UTS2: variants seen among roughly 807,000 people sequenced by gnomAD.
UTS2 encodes the protein urotensin-2.
Under a neutral mutation model 12.6 loss-of-function variants are expected in UTS2, and 10 were observed. The ratio of observed to expected loss-of-function variants is 0.80; its 90% CI spans 0.49 to 1.35. The LOEUF is 1.35. Ranked by LOEUF, UTS2 falls within the 40% of genes most tolerant of loss-of-function variation. The pLI, the probability that UTS2 is intolerant of heterozygous loss-of-function variation, is 0.00. For synonymous variants in UTS2, 52 were observed against 50.0 expected (o/e 1.04, Z -0.17); for missense variants, 142 against 143.2 (o/e 0.99, Z 0.04).
At chr1:7,890,967 A>C in the UTS2 span, among the ~76,000 whole-genome samples, 2,073 of 134,972 alleles carry the variant, frequency 0.015, 26 homozygotes, top group Non-Finnish European at 0.022. Context: ...GATACCCTCC[A>C]CCCCCCCCCA....
At chr1:7,892,473 T>TG in the UTS2 span, among the ~76,000 whole-genome samples, 2 of 116,790 alleles carry the variant, frequency 1.7e-5, no homozygotes, top group Non-Finnish European at 3.3e-5. Flanking sequence ...ATGCATGTTT[T>TG]TTTTTTTTTT....
At chr1:7,858,874 C>A in the UTS2 span, among the ~76,000 whole-genome samples, 1 of 152,122 alleles carries the variant, frequency 6.6e-6, no homozygotes, top group African/African-American at 2.4e-5. Flanking sequence ...TGAGCCACCA[C>A]GCCCAGCTGG....
the UTS2 span, among the ~76,000 whole-genome samples, chr1:7,899,191 C>G: frequency 1.3e-5 from 2 of 152,104 alleles, no homozygotes; most frequent in African/African-American, 4.8e-5. Flanking sequence ...CCCACCAGGC[C>G]TCATCTCCAA....
the UTS2 span, among the ~76,000 whole-genome samples, chr1:7,904,841 T>A: frequency 7.2e-6 from 1 of 139,006 alleles, no homozygotes; most frequent in Non-Finnish European, 1.5e-5. Context: ...GAGGCAGAGG[T>A]TAGAGTAAGC....
chr1:7,878,752 C>T, the UTS2 span, among the ~76,000 whole-genome samples: 1 of 151,916 alleles, frequency 6.6e-6, no homozygotes, highest in Non-Finnish European at 1.5e-5. Context: ...AAAAAATGAT[C>T]CAACTGCATG....
At chr1:7,899,930 A>T in the UTS2 span, among the ~76,000 whole-genome samples, 1 of 152,170 alleles carries the variant, frequency 6.6e-6, no homozygotes. Flanking sequence ...GACTGTCAAC[A>T]TGTAGGCCTC....
At chr1:7,869,985 G>A in the UTS2 span, among the ~76,000 whole-genome samples, 1 of 152,232 alleles carries the variant, frequency 6.6e-6, no homozygotes, top group South Asian at 2.1e-4. Context: ...GCTGAGCTCC[G>A]TGTGATGGTT....
chr1:7,901,628 GTGTA>G, the UTS2 span, among the ~76,000 whole-genome samples: 1 of 123,170 alleles, frequency 8.1e-6, no homozygotes, highest in African/African-American at 3.3e-5. Context: ...GTGTGTGTGT[GTGTA>G]TATATATATT....
At chr1:7,868,310 T>C in the UTS2 span, among the ~76,000 whole-genome samples, 1 of 152,242 alleles carries the variant, frequency 6.6e-6, no homozygotes, top group Admixed American at 6.5e-5. Flanking sequence ...GGCACGTGTT[T>C]CATCCAACCC....
At chr1:7,861,970 T>C in the UTS2 span, among the ~76,000 whole-genome samples, 9 of 151,652 alleles carry the variant, frequency 5.9e-5, no homozygotes, top group African/African-American at 2.2e-4. Flanking sequence ...TGGAGTGCAG[T>C]GGCACAATCT....
At chr1:7,905,086 A>G in the UTS2 span, among the ~76,000 whole-genome samples, 3 of 151,726 alleles carry the variant, frequency 2.0e-5, no homozygotes, top group African/African-American at 4.8e-5. Flanking sequence ...TTGGTCAAAC[A>G]TCAATCCAGA....
At chr1:7,891,181 T>C in the UTS2 span, among the ~76,000 whole-genome samples, 1 of 152,090 alleles carries the variant, frequency 6.6e-6, no homozygotes, top group African/African-American at 2.4e-5. Flanking sequence ...GGTTACCAGG[T>C]GATGCTGAGC....
chr1:7,890,406 A>G, the UTS2 span, among the ~76,000 whole-genome samples: 1 of 152,150 alleles, frequency 6.6e-6, no homozygotes, highest in Non-Finnish European at 1.5e-5. Context: ...ATACCAGCCC[A>G]GGTGGCTCTT....
the UTS2 span, among the ~76,000 whole-genome samples, chr1:7,878,309 A>G: frequency 6.6e-6 from 1 of 152,234 alleles, no homozygotes; most frequent in Non-Finnish European, 1.5e-5. Flanking sequence ...AAGTGAAAGG[A>G]TGGTAGATAT....
chr1:7,896,424 T>C, the UTS2 span, among the ~76,000 whole-genome samples: 1 of 152,256 alleles, frequency 6.6e-6, no homozygotes, highest in Non-Finnish European at 1.5e-5. Context: ...TCTTATAATA[T>C]TGAAGTATAA....
chr1:7,849,668 ATGT>A lies in UTS2; in HGVS notation c.227_229del (p.Asn76del). 1.2e-6 allele frequency: 2 copies of A among 1,610,612 alleles called. No individual in the cohort carries two copies. The highest frequency in any genetic ancestry group is 1.7e-6 in the Non-Finnish European group (2 of 1,179,302). On this transcript the variant is annotated inframe_deletion, in exon 3 of 4. Transcript: ENST00000361696. The stretch of plus-strand genomic sequence containing the variant: ...TCTCAAATTTCCTCTTGGGTTAAAA[ATGT>A]TGGTACTTGAGTCTGAAAAACAGTT...
the UTS2 span, among the ~76,000 whole-genome samples, chr1:7,880,087 T>G: frequency 6.6e-6 from 1 of 151,732 alleles, no homozygotes; most frequent in Non-Finnish European, 1.5e-5. Flanking sequence ...TGAGACTCCA[T>G]CAGTATAAAA....
the UTS2 span, among the ~76,000 whole-genome samples, chr1:7,907,260 AC>A: frequency 1.3e-5 from 2 of 152,082 alleles, no homozygotes. Flanking sequence ...CAAAACAAAA[AC>A]AAAAAATTGT....
chr1:7,878,028 G>T, the UTS2 span, among the ~76,000 whole-genome samples: 1 of 152,174 alleles, frequency 6.6e-6, no homozygotes, highest in Non-Finnish European at 1.5e-5. Context: ...AAGACAAAGA[G>T]AATTCTAAAA....
Sources: allele counts gnomAD v4.1 joint callset (sites outside exome capture counted in the v4.1 genomes callset), GRCh38; gene constraint gnomAD v4.1.1; transcripts MANE v1.5; gene names NCBI Gene and HGNC (gene_info 2026-07-23, HGNC 2026-07-21).